Variants in CCDC90B observed in about 807,000 individuals in gnomAD.
CCDC90B encodes the protein coiled-coil domain containing 90B.
CCDC90B carries 24 observed loss-of-function variants against 37.0 expected under a neutral mutation model. That is an observed-to-expected ratio of 0.65 (90% confidence interval 0.47 to 0.91). CCDC90B has a LOEUF of 0.91. Ranked by LOEUF, CCDC90B falls within the 40% of genes least tolerant of loss-of-function variation. The pLI, the probability that CCDC90B is intolerant of heterozygous loss-of-function variation, is 0.00. For missense variants in CCDC90B, 319 were observed against 299.0 expected (o/e 1.07, Z -0.49); for synonymous variants, 113 against 101.1 (o/e 1.12, Z -0.71).
chr11:83,273,604 C>T, intron 7 of CCDC90B, 43 bp downstream of exon 7: 3 of 1,443,964 alleles, frequency 2.1e-6, no homozygotes, highest in South Asian at 2.5e-5. Flanking sequence ...TTATACAAGG[C>T]ACAAGAACTG....
At chr11:83,272,949 C>T (rs1864770913) in intron 7 of CCDC90B, among the ~76,000 whole-genome samples, 1 of 152,132 alleles carries the variant, frequency 6.6e-6, no homozygotes, top group South Asian at 2.1e-4. Context: ...CCTAGTGACA[C>T]CACTTATTAA....
intron 1 of CCDC90B, among the ~76,000 whole-genome samples, chr11:83,284,711 A>G (rs1051265076): frequency 3.3e-5 from 5 of 152,276 alleles, no homozygotes; most frequent in African/African-American, 9.6e-5. Context: ...TTCAAGTGGG[A>G]TAACTTTTAT....
chr11:83,277,517 C>G (rs1185936301), intron 3 of CCDC90B, among the ~76,000 whole-genome samples: 1 of 152,078 alleles, frequency 6.6e-6, no homozygotes, highest in Admixed American at 6.5e-5. Flanking sequence ...GATGGAGTCT[C>G]TGTCACCCAG....
Position 83,260,228 on chromosome 11 carries a change from C to T in CCDC90B, c.*1683G>A, listed in dbSNP as rs1486190589. On this transcript the variant is annotated 3_prime_UTR_variant, in exon 9 of 9. Transcript: ENST00000529689. The stretch of plus-strand genomic sequence containing the variant: ...ACCAATAATTTACTTGTTTATGTCT[C>T]TCTCCTTAAGATTGTCAATTCAATG... 1 of 152,176 alleles carries T rather than the reference C, an allele frequency of 6.6e-6. No homozygotes were observed. Among genetic ancestry groups the T allele is most frequent in the Non-Finnish European group, 1.5e-5 (1 of 68,034 alleles). The allele number at this position is 152,176 out of a possible 1,614,324, so 9.4% of individuals were successfully genotyped here. A position where few individuals can be genotyped will look rare whatever the true frequency, so the allele number is the denominator to read the frequency against.
At chr11:83,282,273 G>A (rs957184230) in intron 1 of CCDC90B, among the ~76,000 whole-genome samples, 13 of 152,316 alleles carry the variant, frequency 8.5e-5, no homozygotes, top group African/African-American at 2.9e-4. Flanking sequence ...CTGCATTATC[G>A]TTAGCTTAGG....
At chr11:83,262,259 T>G (rs1863972412) in intron 8 of CCDC90B, among the ~76,000 whole-genome samples, 1 of 152,158 alleles carries the variant, frequency 6.6e-6, no homozygotes, top group Non-Finnish European at 1.5e-5. Flanking sequence ...CTTTAAATAA[T>G]TATAAGCTCT....
chr11:83,286,189 G>A lies in CCDC90B; in HGVS notation c.-217C>T, dbSNP rs912397728. 3.3e-6 allele frequency: 5 copies of A among 1,533,598 alleles called. No homozygotes were observed. The African/African-American group carries it at 4.1e-5, about 13-fold the overall frequency. 95.0% of individuals were successfully genotyped at this position (1,533,598 alleles called of 1,614,324 possible). ...CGCGAGCATGGCTCAGCGCTGCCCC[G>A]CTTCTCCCAGCGCCCCTTCCCGACC... On this transcript the variant is annotated 5_prime_UTR_variant, in exon 1 of 9. Transcript: ENST00000529689.
chr11:83,279,035 G>A (rs11233546), intron 2 of CCDC90B, among the ~76,000 whole-genome samples: 6,840 of 152,180 alleles, frequency 0.045, 200 homozygotes, highest in South Asian at 0.15. Context: ...TGTAATCCCA[G>A]CACTTTGGGA....
At chr11:83,273,617 CA>C (rs760085416) in intron 7 of CCDC90B, 29 bp downstream of exon 7, 2 of 1,524,516 alleles carry the variant, frequency 1.3e-6, no homozygotes, top group Admixed American at 3.9e-5. Context: ...AAGAACTGTA[CA>C]AAAGAGACAT....
rs1298961529 is a variant in CCDC90B, at chr11:83,260,407, T to TTAATC, written c.*1499_*1503dup. The TTAATC allele has an allele frequency of 6.6e-6, 1 of 152,146 alleles. No homozygotes were observed. The highest frequency in any genetic ancestry group is 1.5e-5 in the Non-Finnish European group (1 of 68,030). The allele number at this position is 152,146 out of a possible 1,614,324, so 9.4% of individuals were successfully genotyped here. On this transcript the variant is annotated 3_prime_UTR_variant, in exon 9 of 9. Coordinates refer to ENST00000529689, the MANE Select transcript of CCDC90B (RefSeq NM_021825.5). ...AACTTATTAATTGACTCAGTGAAAA[T>TTAATC]TAATCTATAATATACTAAGAACTCT...
chr11:83,271,589 G>C (rs980171446), intron 7 of CCDC90B, among the ~76,000 whole-genome samples: 3 of 152,220 alleles, frequency 2.0e-5, no homozygotes, highest in Admixed American at 2.0e-4. Context: ...CAGTTGGAAT[G>C]GCAGTCATTA....
chr11:83,280,292 G>A, intron 1 of CCDC90B, 32 bp from the exon 2 acceptor site: 1 of 1,591,758 alleles, frequency 6.3e-7, no homozygotes, highest in South Asian at 1.1e-5. Context: ...TTCTTTTGTA[G>A]TAACTGATAG....
In CCDC90B at chr11:83,260,355, G is replaced by C. The variant is rs1863872346; in HGVS notation, c.*1556C>G. ...TAACTGAACAAATGCAGTATACTTTGTTACAGTGGACTTTAATATATATGG... is the reference window on the plus strand; with the variant it reads ...TAACTGAACAAATGCAGTATACTTTCTTACAGTGGACTTTAATATATATGG... On this transcript the variant is annotated 3_prime_UTR_variant, in exon 9 of 9. Coordinates refer to ENST00000529689, the MANE Select transcript of CCDC90B (RefSeq NM_021825.5). The C allele has an allele frequency of 6.6e-6, 1 of 152,114 alleles. No homozygotes were observed. The highest frequency in any genetic ancestry group is 1.5e-5 in the Non-Finnish European group (1 of 67,996). The allele number at this position is 152,114 out of a possible 1,614,324, so 9.4% of individuals were successfully genotyped here.
Position 83,273,704 on chromosome 11 carries a change from T to C in CCDC90B, c.541-4A>G, listed in dbSNP as rs369921990. 1.9e-5 allele frequency: 31 copies of C among 1,605,458 alleles called. No individual in the cohort carries two copies. In the Admixed American group the frequency reaches 4.1e-4, roughly 21 times the overall value. The stretch of plus-strand genomic sequence containing the variant: ...GTTGCTTTTCTTGATCTGTAAACTA[T>C]AGGATATGAAGCAGCAGGAAGTTAA... On this transcript the variant is annotated splice_polypyrimidine_tract_variant and splice_region_variant and intron_variant, in intron 6 of 8. Coordinates refer to ENST00000529689, the MANE Select transcript of CCDC90B (RefSeq NM_021825.5).
intron 3 of CCDC90B, 167 bp from the exon 4 acceptor site, chr11:83,274,907 A>T: frequency 2.3e-6 from 1 of 433,522 alleles, no homozygotes; most frequent in Non-Finnish European, 4.1e-6. Context: ...AAATGAAAAG[A>T]AAGAGATTCA....
At position 83,286,296 on chromosome 11, in the gene CCDC90B, T is replaced by TC. The variant is rs1865691420; in HGVS notation, c.-325dup. 5 of 1,084,190 alleles carry TC rather than the reference T, an allele frequency of 4.6e-6. No individual in the cohort carries two copies. The highest frequency in any genetic ancestry group is 6.5e-6 in the Non-Finnish European group (5 of 766,414). The allele number at this position is 1,084,190 out of a possible 1,614,324, so 67.2% of individuals were successfully genotyped here. ...CCTGTTTCCTGGCAGTGGGGCATAG[T>TC]CCAACAGCTGGCTCCCCCAAGATAG... On this transcript the variant is annotated 5_prime_UTR_variant, in exon 1 of 9. It introduces an in-frame stop codon into an upstream open reading frame of the 5' UTR. Coordinates refer to ENST00000529689, the MANE Select transcript of CCDC90B (RefSeq NM_021825.5).
Position 83,260,858 on chromosome 11 carries a change from A to ATGAG in CCDC90B, c.*1049_*1052dup, listed in dbSNP as rs1212255679. 1.3e-5 allele frequency: 2 copies of ATGAG among 152,180 alleles called. No individual in the cohort carries two copies. The highest frequency in any genetic ancestry group is 2.9e-5 in the Non-Finnish European group (2 of 68,018). The allele number at this position is 152,180 out of a possible 1,614,324, so 9.4% of individuals were successfully genotyped here. A position where few individuals can be genotyped will look rare whatever the true frequency, so the allele number is the denominator to read the frequency against. On this transcript the variant is annotated 3_prime_UTR_variant, in exon 9 of 9. Transcript: ENST00000529689. ...ACAAAATACGAATTTAAATTTTCCT[A>ATGAG]TGAGTTTCTTGAGAGTAGGTACTAG... is the stretch of plus-strand genomic sequence containing the variant.
chr11:83,282,532 T>C (rs918067135), intron 1 of CCDC90B, among the ~76,000 whole-genome samples: 1 of 152,172 alleles, frequency 6.6e-6, no homozygotes, highest in East Asian at 1.9e-4. Flanking sequence ...CAATAAATCT[T>C]TGTAGGGTGC....
chr11:83,267,273 T>G (rs1864340584), intron 7 of CCDC90B: 1 of 152,194 alleles, frequency 6.6e-6, no homozygotes, highest in Admixed American at 6.5e-5. Context: ...GACTGATGAG[T>G]TGACAGAAGC....
Sources: gnomAD v4.1 joint callset for allele counts (sites outside exome capture counted in the v4.1 genomes callset) on GRCh38, gnomAD v4.1.1 for gene constraint, MANE v1.5 for transcripts, NCBI Gene and HGNC (gene_info 2026-07-23, HGNC 2026-07-21) for gene names.